LOC128125817: variants seen among roughly 807,000 people sequenced by gnomAD.
chr1:41,590,527 C>T, the LOC128125817 span, among the ~76,000 whole-genome samples: 1 of 152,216 alleles, frequency 6.6e-6, no homozygotes, highest in Non-Finnish European at 1.5e-5. Flanking sequence ...TGGACAAGAA[C>T]ATCACCCCAA....
the LOC128125817 span, among the ~76,000 whole-genome samples, chr1:41,618,163 C>G: frequency 1.1e-4 from 17 of 152,342 alleles, no homozygotes; most frequent in Middle Eastern, 3.4e-3. Context: ...GGGCCATTAT[C>G]TGGGAAGGGA....
the LOC128125817 span, among the ~76,000 whole-genome samples, chr1:41,611,557 C>T: frequency 2.6e-4 from 39 of 152,388 alleles, no homozygotes; most frequent in Admixed American, 1.2e-3. Context: ...CAGGGGCACA[C>T]ATTCAACAAA....
At chr1:41,618,826 C>T in the LOC128125817 span, among the ~76,000 whole-genome samples, 1 of 152,188 alleles carries the variant, frequency 6.6e-6, no homozygotes, top group African/African-American at 2.4e-5. Context: ...AGCCTGGCTC[C>T]CCTCTCAGAA....
chr1:41,617,926 G>A, the LOC128125817 span, among the ~76,000 whole-genome samples: 1 of 152,204 alleles, frequency 6.6e-6, no homozygotes, highest in Non-Finnish European at 1.5e-5. Flanking sequence ...GGAGGGCAAT[G>A]ACCGCACCAG....
At chr1:41,608,216 G>A in the LOC128125817 span, among the ~76,000 whole-genome samples, 1 of 152,228 alleles carries the variant, frequency 6.6e-6, no homozygotes, top group Non-Finnish European at 1.5e-5. Flanking sequence ...GGAGGGTGAA[G>A]CAGTGTGGCA....
the LOC128125817 span, among the ~76,000 whole-genome samples, chr1:41,626,007 A>G: frequency 1.3e-5 from 2 of 152,230 alleles, no homozygotes; most frequent in Non-Finnish European, 2.9e-5. Flanking sequence ...TTGCTTCCAT[A>G]TCCATTTTCA....
At chr1:41,621,187 T>C in the LOC128125817 span, among the ~76,000 whole-genome samples, 368 of 152,360 alleles carry the variant, frequency 2.4e-3, no homozygotes, top group African/African-American at 8.1e-3. Context: ...CCCATAGCCA[T>C]GGTGCAGCCT....
the LOC128125817 span, among the ~76,000 whole-genome samples, chr1:41,625,162 CAAAAAAAAAAAAA>C: frequency 1.3e-4 from 9 of 71,276 alleles, no homozygotes; most frequent in East Asian, 5.1e-4. Context: ...GATTCCAACT[CAAAAAAAAAAAAA>C]AAAAAAAAAA....
chr1:41,609,821 T>C, the LOC128125817 span, among the ~76,000 whole-genome samples: 1 of 152,250 alleles, frequency 6.6e-6, no homozygotes, highest in Non-Finnish European at 1.5e-5. Context: ...CCAGTGATGG[T>C]TAATTTTGTG....
At chr1:41,603,405 G>A in the LOC128125817 span, among the ~76,000 whole-genome samples, 3 of 151,008 alleles carry the variant, frequency 2.0e-5, no homozygotes, top group African/African-American at 7.3e-5. Context: ...TGTCACCCAG[G>A]CTGGAGAGCA....
the LOC128125817 span, among the ~76,000 whole-genome samples, chr1:41,620,097 CAGG>C: frequency 6.6e-6 from 1 of 152,162 alleles, no homozygotes; most frequent in Non-Finnish European, 1.5e-5. Context: ...AAGGCAGACA[CAGG>C]AGAAGAGGAC....
At chr1:41,617,902 T>C in the LOC128125817 span, among the ~76,000 whole-genome samples, 1 of 152,196 alleles carries the variant, frequency 6.6e-6, no homozygotes, top group Non-Finnish European at 1.5e-5. Context: ...TGTCTTCTTT[T>C]ACAAAAGAGC....
the LOC128125817 span, among the ~76,000 whole-genome samples, chr1:41,613,931 G>A: frequency 1.3e-5 from 2 of 152,192 alleles, no homozygotes; most frequent in Non-Finnish European, 2.9e-5. Context: ...TTTTGTGTCT[G>A]GCTTCTTTCA....
the LOC128125817 span, among the ~76,000 whole-genome samples, chr1:41,624,595 A>G: frequency 3.9e-5 from 6 of 152,360 alleles, no homozygotes; most frequent in Admixed American, 3.9e-4. Context: ...ACACAAAACC[A>G]TACAAGCAAG....
chr1:41,627,804 A>T, the LOC128125817 span, among the ~76,000 whole-genome samples: 8 of 152,256 alleles, frequency 5.3e-5, no homozygotes, highest in South Asian at 4.1e-4. Flanking sequence ...GAATCAATGT[A>T]GATTCCTGGG....
the LOC128125817 span, among the ~76,000 whole-genome samples, chr1:41,595,466 G>C: frequency 5.9e-4 from 90 of 152,274 alleles, 1 homozygote; most frequent in African/African-American, 2.2e-3. Flanking sequence ...GGGACATGCC[G>C]AGAAAGGAGT....
At chr1:41,606,399 C>T in the LOC128125817 span, among the ~76,000 whole-genome samples, 6,977 of 152,010 alleles carry the variant, frequency 0.046, 212 homozygotes, top group Non-Finnish European at 0.066. Flanking sequence ...TTTTGCATAA[C>T]AATTACATTC....
chr1:41,620,226 G>C, the LOC128125817 span, among the ~76,000 whole-genome samples: 1 of 152,150 alleles, frequency 6.6e-6, no homozygotes, highest in African/African-American at 2.4e-5. Context: ...GTTTCCACTC[G>C]CTTTCCCACA....
the LOC128125817 span, chr1:41,628,730 A>C: frequency 8.1e-7 from 1 of 1,231,352 alleles, no homozygotes. Context: ...CATATTCAGC[A>C]ACAGCCCCCA....
Sources: gnomAD v4.1 joint callset for allele counts (sites outside exome capture counted in the v4.1 genomes callset) on GRCh38, gnomAD v4.1.1 for gene constraint, MANE v1.5 for transcripts.